SLC30A9: variants seen among roughly 807,000 people sequenced by gnomAD.
The protein encoded by SLC30A9 is proton-coupled zinc antiporter SLC30A9, mitochondrial.
A neutral mutation model predicts 87.5 loss-of-function variants in SLC30A9; 58 were observed. That is an observed-to-expected ratio of 0.66 (90% CI 0.54 to 0.82). SLC30A9 has a LOEUF of 0.82. SLC30A9 is among the 40% of genes least tolerant of loss of function. The probability of loss-of-function intolerance (pLI) is 0.00; values close to 1 mark genes in which losing one functional copy is unlikely to be tolerated. For missense variants in SLC30A9, 557 were observed against 679.1 expected, an observed-to-expected ratio of 0.82 and a Z score of 2.00; for synonymous variants, 234 against 233.0, an observed-to-expected ratio of 1.00 and a Z score of -0.04.
chr4:42,056,862 A>G (rs1394187929), intron 9 of SLC30A9, among the ~76,000 whole-genome samples: 2 of 152,144 alleles, frequency 1.3e-5, no homozygotes, highest in African/African-American at 4.8e-5. Context: ...CCATGTCTCC[A>G]TTTGGCGACA....
At position 42,020,405 on chromosome 4, in the gene SLC30A9, T is replaced by C. The variant is rs767116345; in HGVS notation, c.335-11T>C. On this transcript the variant is annotated splice_polypyrimidine_tract_variant and intron_variant, in intron 3 of 17. Coordinates refer to ENST00000264451, the MANE Select transcript of SLC30A9 (RefSeq NM_006345.4). ...GTGCATATTTATTATGTTTTCCTGT[T>C]TTTTGTTTAGTTAAAGCAGTCCTTA... 2.3e-6 allele frequency: 3 copies of C among 1,308,002 alleles called. No homozygotes were observed. Among genetic ancestry groups the C allele is most frequent in the Non-Finnish European group, 3.3e-6 (3 of 915,442 alleles). 81.0% of individuals were successfully genotyped at this position (1,308,002 alleles called of 1,614,324 possible).
chr4:42,044,783 C>T (rs1277934089), intron 8 of SLC30A9, among the ~76,000 whole-genome samples: 2 of 152,226 alleles, frequency 1.3e-5, no homozygotes, highest in East Asian at 3.8e-4. Context: ...CACCCTGTCA[C>T]TCTTATTCTA....
intron 1 of SLC30A9, among the ~76,000 whole-genome samples, chr4:41,999,491 C>T (rs1271126718): frequency 6.6e-6 from 1 of 152,082 alleles, no homozygotes; most frequent in Non-Finnish European, 1.5e-5. Context: ...CACCACTTAA[C>T]AAAGTAGTGT....
chr4:42,043,745 GCAACCT>G (rs1717016604), intron 8 of SLC30A9, among the ~76,000 whole-genome samples: 1 of 152,136 alleles, frequency 6.6e-6, no homozygotes, highest in African/African-American at 2.4e-5. Flanking sequence ...CTCGAGAAGA[GCAACCT>G]CAAGTCACAT....
intron 10 of SLC30A9, among the ~76,000 whole-genome samples, chr4:42,061,132 G>T (rs1717836715): frequency 6.6e-6 from 1 of 152,020 alleles, no homozygotes; most frequent in Non-Finnish European, 1.5e-5. Flanking sequence ...AGGTTGTGAA[G>T]ATTTCTTCTC....
rs550179409 is a variant in SLC30A9 at position 42,047,236 on chromosome 4, T to C, written c.738-2141T>C. 5.8e-4 allele frequency among the ~76,000 whole-genome samples: 88 copies of C among 152,338 alleles called. 1 individual carries two copies. The South Asian group carries it at 7.3e-3, about 13-fold the overall frequency. On this transcript the variant is annotated intron_variant, in intron 8 of 17. Coordinates refer to ENST00000264451, the MANE Select transcript of SLC30A9 (RefSeq NM_006345.4). ...AAAGCCAAAATTGACAAATGGGATC[T>C]AATTAAGCTAAAGAACTTCTGCACA...
intron 14 of SLC30A9, among the ~76,000 whole-genome samples, chr4:42,069,064 T>A (rs145286111): frequency 2.0e-4 from 30 of 152,330 alleles, no homozygotes; most frequent in Middle Eastern, 3.4e-3. Context: ...TTCTCTGATG[T>A]TTATTGTGAT....
chr4:42,047,931 C>T (rs977013439), intron 8 of SLC30A9, among the ~76,000 whole-genome samples: 2 of 152,084 alleles, frequency 1.3e-5, no homozygotes, highest in East Asian at 1.9e-4. Context: ...TTTGCAGGGA[C>T]ATGGATGAAG....
chr4:42,081,134 T>G (rs1168269459), intron 17 of SLC30A9, among the ~76,000 whole-genome samples: 1 of 152,222 alleles, frequency 6.6e-6, no homozygotes, highest in African/African-American at 2.4e-5. Context: ...CAAATAAAAA[T>G]GTACTCTAGA....
intron 2 of SLC30A9, among the ~76,000 whole-genome samples, chr4:42,002,056 G>A (rs1231285248): frequency 1.3e-5 from 2 of 151,834 alleles, no homozygotes; most frequent in African/African-American, 4.8e-5. Flanking sequence ...ACTCCCAATA[G>A]CATATGTAGT....
chr4:42,015,739 A>G (rs1243667430), intron 2 of SLC30A9, among the ~76,000 whole-genome samples: 1 of 152,018 alleles, frequency 6.6e-6, no homozygotes, highest in Non-Finnish European at 1.5e-5. Flanking sequence ...TACCGCTTCC[A>G]TTTAATCTCC....
intron 2 of SLC30A9, among the ~76,000 whole-genome samples, chr4:42,012,707 T>C (rs1200357943): frequency 6.6e-6 from 1 of 152,198 alleles, no homozygotes; most frequent in Non-Finnish European, 1.5e-5. Flanking sequence ...TCTATTTTTT[T>C]AATCCATTAA....
chr4:42,063,019 G>C lies in SLC30A9; in HGVS notation c.930G>C (p.Ser310=). ...YGFSNMRYIS[S]LISGVGIFMM... ...TTTCAAATATGCGCTATATTTCTTC[G>C]CTAATTAGTGGTGTTGGTATTTTCA... Residue 310 remains serine, a synonymous_variant, in exon 11 of 18, where the codon TCG becomes TCC. Transcript: ENST00000264451. The C allele has an allele frequency of 6.2e-7, 1 of 1,612,604 alleles. No individual in the cohort carries two copies. The highest frequency in any genetic ancestry group is 1.3e-5 in the African/African-American group (1 of 74,916).
intron 6 of SLC30A9, among the ~76,000 whole-genome samples, chr4:42,028,069 T>C (rs1009349065): frequency 1.3e-5 from 2 of 152,206 alleles, no homozygotes; most frequent in African/African-American, 2.4e-5. Context: ...GACTGGAGAA[T>C]TACCCTTTGT....
At chr4:42,052,936 C>T (rs774813173) in intron 9 of SLC30A9, among the ~76,000 whole-genome samples, 1 of 152,084 alleles carries the variant, frequency 6.6e-6, no homozygotes, top group African/African-American at 2.4e-5. Flanking sequence ...GAAATAAATA[C>T]GCATAGATTG....
rs536795831 is a variant in SLC30A9, at chr4:42,037,239, C to CT, written c.670-1713dup. On this transcript the variant is annotated intron_variant, in intron 7 of 17. Coordinates refer to ENST00000264451, the MANE Select transcript of SLC30A9 (RefSeq NM_006345.4). ...CCTGTTTGCAAAAATTAAATGCCTT[C>CT]TTTTTTTTTTTTTTTTTTTTTTTTT... 5.7e-3 allele frequency among the ~76,000 whole-genome samples: 519 copies of CT among 91,126 alleles called. 3 individuals carry two copies. The highest frequency in any genetic ancestry group is 0.016 in the Middle Eastern group (2 of 126). The allele number at this position is 91,126 out of a possible 152,430, so 59.8% of individuals were successfully genotyped here.
intron 2 of SLC30A9, among the ~76,000 whole-genome samples, chr4:42,003,775 T>TC (rs11457005): frequency 0.65 from 98,374 of 151,908 alleles, 35,970 homozygotes; most frequent in East Asian, 0.96. Context: ...TAATTTTTTT[T>TC]CTCATTCCGT....
chr4:42,008,390 T>A (rs1050704792), intron 2 of SLC30A9, among the ~76,000 whole-genome samples: 1 of 152,228 alleles, frequency 6.6e-6, no homozygotes, highest in Admixed American at 6.5e-5. Context: ...CCTCATCACC[T>A]ACATGTTTGC....
At chr4:42,073,921 C>G (rs189622399) in intron 15 of SLC30A9, among the ~76,000 whole-genome samples, 12 of 152,178 alleles carry the variant, frequency 7.9e-5, no homozygotes, top group African/African-American at 2.6e-4. Flanking sequence ...GCCCTCCAAA[C>G]AGTTTTCTGT....
Sources: gnomAD v4.1 joint callset for allele counts (sites outside exome capture counted in the v4.1 genomes callset) on GRCh38, gnomAD v4.1.1 for gene constraint, MANE v1.5 for transcripts, NCBI Gene and HGNC (gene_info 2026-07-23, HGNC 2026-07-21) for gene names.